The following RUNDC3B variants were observed in gnomAD, a reference collection of about 807,000 sequenced individuals.
The protein encoded by RUNDC3B is RUN domain containing 3B.
Under a neutral mutation model 58.4 loss-of-function variants are expected in RUNDC3B, and 33 were observed. That is an observed-to-expected ratio of 0.56 (90% CI 0.43 to 0.75). The LOEUF (loss-of-function observed/expected upper bound fraction) is 0.75. Ranked by LOEUF, RUNDC3B falls within the 30% of genes least tolerant of loss-of-function variation. The pLI is 0.00. For synonymous variants in RUNDC3B, 193 were observed against 195.2 expected (o/e 0.99, Z 0.10); for missense variants, 501 against 535.7 (o/e 0.94, Z 0.64).
chr7:87,802,018 C>T (rs967025790), intron 8 of RUNDC3B, among the ~76,000 whole-genome samples: 2 of 152,096 alleles, frequency 1.3e-5, no homozygotes, highest in African/African-American at 4.8e-5. Context: ...AGTGAAAAGT[C>T]CTTGGTGTTT....
At chr7:87,690,933 G>A (rs549245911) in intron 2 of RUNDC3B, among the ~76,000 whole-genome samples, 108 of 151,786 alleles carry the variant, frequency 7.1e-4, no homozygotes, top group Non-Finnish European at 1.4e-3. Context: ...AAATATATAT[G>A]CAGAGAGAGA....
chr7:87,659,144 A>G (rs1357039405), intron 2 of RUNDC3B: 1 of 379,248 alleles, frequency 2.6e-6, no homozygotes, highest in African/African-American at 2.2e-5. Context: ...CCTGGGCAAT[A>G]GAATGAGACC....
At chr7:87,824,514 G>T (rs1837689847) in intron 10 of RUNDC3B, among the ~76,000 whole-genome samples, 1 of 152,152 alleles carries the variant, frequency 6.6e-6, no homozygotes, top group Non-Finnish European at 1.5e-5. Context: ...TCAGCAGTGT[G>T]AAAGTGGACT....
Position 87,745,393 on chromosome 7 carries a change from T to C in RUNDC3B, c.629+3814T>C, listed in dbSNP as rs181232126. Among the ~76,000 whole-genome samples, 624 of 152,286 alleles carry C rather than the reference T, an allele frequency of 4.1e-3. 1 individual carries two copies. Among genetic ancestry groups the C allele is most frequent in the Non-Finnish European group, 6.4e-3 (433 of 68,002 alleles). The stretch of plus-strand genomic sequence containing the variant: ...TATGGAATAATGTCAAAAGGATTGG[T>C]ACCAATTCTTTGAATGTCTGGTAAA... On this transcript the variant is annotated intron_variant, in intron 6 of 10. Transcript: ENST00000394654.
intron 1 of RUNDC3B, among the ~76,000 whole-genome samples, chr7:87,637,628 A>T (rs965756401): frequency 6.6e-6 from 1 of 152,130 alleles, no homozygotes; most frequent in East Asian, 1.9e-4. Context: ...AGATATTTTA[A>T]ATCTCTTATT....
chr7:87,704,239 T>C (rs1279940286), intron 3 of RUNDC3B, among the ~76,000 whole-genome samples: 2 of 152,086 alleles, frequency 1.3e-5, no homozygotes, highest in African/African-American at 4.8e-5. Flanking sequence ...CCTTTTATGT[T>C]TTCTTTATGG....
At chr7:87,739,610 T>C (rs1832192907) in intron 4 of RUNDC3B, among the ~76,000 whole-genome samples, 181 bp from the exon 5 acceptor site, 1 of 152,068 alleles carries the variant, frequency 6.6e-6, no homozygotes. Flanking sequence ...GTTGTTGTTT[T>C]GTCTCTTTAT....
At chr7:87,786,054 T>C (rs892662661) in intron 8 of RUNDC3B, among the ~76,000 whole-genome samples, 1 of 152,196 alleles carries the variant, frequency 6.6e-6, no homozygotes, top group African/African-American at 2.4e-5. Context: ...CACCTCTCTC[T>C]CAACTTTCAG....
At chr7:87,672,690 C>G (rs2130531183) in intron 2 of RUNDC3B, among the ~76,000 whole-genome samples, 1 of 152,182 alleles carries the variant, frequency 6.6e-6, no homozygotes, top group African/African-American at 2.4e-5. Context: ...GACCGAAGGC[C>G]CTGGTGGAAT....
chr7:87,673,124 C>G (rs558567921), intron 2 of RUNDC3B, among the ~76,000 whole-genome samples: 2 of 152,214 alleles, frequency 1.3e-5, no homozygotes, highest in East Asian at 3.9e-4. Flanking sequence ...GTGACCTTCC[C>G]CTTTTGTTTT....
intron 6 of RUNDC3B, among the ~76,000 whole-genome samples, chr7:87,744,367 T>C (rs752250843): frequency 2.0e-5 from 3 of 152,158 alleles, no homozygotes; most frequent in Admixed American, 1.3e-4. Context: ...GGTATTTTGA[T>C]GGGAATTGCA....
intron 8 of RUNDC3B, among the ~76,000 whole-genome samples, chr7:87,805,688 T>A (rs1460027987): frequency 1.3e-5 from 2 of 152,214 alleles, no homozygotes; most frequent in Admixed American, 6.5e-5. Flanking sequence ...TGTTAATTAC[T>A]ATTATTAACT....
At chr7:87,635,450 G>T (rs1158104384) in intron 1 of RUNDC3B, among the ~76,000 whole-genome samples, 2 of 152,056 alleles carry the variant, frequency 1.3e-5, no homozygotes, top group Non-Finnish European at 2.9e-5. Flanking sequence ...TGATTTATTT[G>T]TATCTACTGG....
intron 2 of RUNDC3B, among the ~76,000 whole-genome samples, chr7:87,651,383 C>A (rs887882124): frequency 3.3e-5 from 5 of 151,996 alleles, no homozygotes; most frequent in Admixed American, 2.0e-4. Flanking sequence ...CTTTGATTTT[C>A]TTAAATCAAA....
At chr7:87,722,942 G>A (rs764336283) in intron 4 of RUNDC3B, among the ~76,000 whole-genome samples, 2 of 152,068 alleles carry the variant, frequency 1.3e-5, no homozygotes, top group African/African-American at 4.8e-5. Flanking sequence ...ACAAACAAAC[G>A]CATCTTACAC....
rs118022380 is a variant in RUNDC3B at position 87,772,133 on chromosome 7, G to A, written c.798+1384G>A. Among the ~76,000 whole-genome samples, 58 of 152,096 alleles carry A rather than the reference G, an allele frequency of 3.8e-4. No homozygotes were observed. In the East Asian group the frequency reaches 6.8e-3, roughly 18 times the overall value. On this transcript the variant is annotated intron_variant, in intron 7 of 10. Transcript: ENST00000394654. ...AGAACATAGATAATAGTTAAAATAC[G>A]GTGAAATAATTAGAAAGTGATGAAT...
intron 10 of RUNDC3B, among the ~76,000 whole-genome samples, chr7:87,821,078 T>C (rs372158446): frequency 6.7e-6 from 1 of 149,866 alleles, no homozygotes; most frequent in Non-Finnish European, 1.5e-5. Flanking sequence ...GGTATTCAAT[T>C]AGGAAAAGAG....
intron 4 of RUNDC3B, among the ~76,000 whole-genome samples, chr7:87,720,876 A>T (rs1338715865): frequency 4.4e-5 from 1 of 22,852 alleles, no homozygotes; most frequent in Non-Finnish European, 9.7e-5. Context: ...CTGGGATTAC[A>T]GGCGTGAGCC....
intron 3 of RUNDC3B, 115 bp from the exon 4 acceptor site, chr7:87,710,455 T>A (rs1183088925): frequency 1.6e-6 from 1 of 633,916 alleles, no homozygotes; most frequent in East Asian, 3.0e-5. Flanking sequence ...TCTTAGTCGT[T>A]ATCAAATGTA....
Sources: allele counts gnomAD v4.1 joint callset (sites outside exome capture counted in the v4.1 genomes callset), GRCh38; gene constraint gnomAD v4.1.1; transcripts MANE v1.5; gene names NCBI Gene and HGNC (gene_info 2026-07-23, HGNC 2026-07-21).